The following HPSE2 variants were observed in gnomAD, a reference collection of about 807,000 sequenced individuals.
HPSE2 encodes the protein inactive heparanase-2.
Under a neutral mutation model 60.5 loss-of-function variants are expected in HPSE2, and 38 were observed. The ratio of observed to expected loss-of-function variants is 0.63; its 90% CI spans 0.48 to 0.82. HPSE2 has a LOEUF of 0.82. Among genes scored for constraint, HPSE2 ranks in the 40% least tolerant of loss-of-function variants. The pLI, the probability that HPSE2 is intolerant of heterozygous loss-of-function variation, is 0.00. For synonymous variants in HPSE2, 295 were observed against 293.2 expected, an observed-to-expected ratio of 1.01 and a Z score of -0.06; for missense variants, 713 against 740.4, an observed-to-expected ratio of 0.96 and a Z score of 0.43.
intron 9 of HPSE2, among the ~76,000 whole-genome samples, chr10:98,573,620 A>G (rs940510547): frequency 6.6e-6 from 1 of 152,336 alleles, no homozygotes; most frequent in East Asian, 1.9e-4. Context: ...GCAGGAACTC[A>G]GCACTGCTCA....
intron 3 of HPSE2, chr10:99,048,172 T>A: frequency 1.4e-6 from 1 of 703,794 alleles, no homozygotes; most frequent in East Asian, 2.7e-5. Flanking sequence ...TTGCTTGATC[T>A]CTCGGTAAAT....
intron 3 of HPSE2, among the ~76,000 whole-genome samples, chr10:98,938,383 G>C (rs1299931148): frequency 1.4e-5 from 2 of 144,182 alleles, no homozygotes; most frequent in Admixed American, 6.9e-5. Context: ...CCAATACAGA[G>C]AAGTGCTTAA....
chr10:99,251,862 CAAAAAAAAAA>C, the HPSE2 span, among the ~76,000 whole-genome samples: 383 of 57,292 alleles, frequency 6.7e-3, 2 homozygotes, highest in African/African-American at 0.023. Flanking sequence ...CTCTCTCTAC[CAAAAAAAAAA>C]AAAAAAAAAA....
intron 6 of HPSE2, among the ~76,000 whole-genome samples, chr10:98,644,334 A>AGGCC (rs1200104640): frequency 1.3e-5 from 2 of 152,354 alleles, no homozygotes; most frequent in Admixed American, 1.3e-4. Context: ...GGCAGCAGAA[A>AGGCC]CTTACACTGA....
At chr10:98,606,693 ATGAC>A (rs1448559488) in intron 9 of HPSE2, among the ~76,000 whole-genome samples, 1 of 152,232 alleles carries the variant, frequency 6.6e-6, no homozygotes, top group Non-Finnish European at 1.5e-5. Context: ...GAGGTATCTA[ATGAC>A]TGACAGATTT....
chr10:98,926,608 C>T (rs1954471303), intron 3 of HPSE2, among the ~76,000 whole-genome samples: 1 of 152,166 alleles, frequency 6.6e-6, no homozygotes, highest in Non-Finnish European at 1.5e-5. Context: ...TAATCACTCT[C>T]TCTCCAGCAT....
intron 10 of HPSE2, among the ~76,000 whole-genome samples, chr10:98,487,395 G>A (rs550881477): frequency 3.9e-4 from 60 of 152,278 alleles, no homozygotes; most frequent in Middle Eastern, 3.4e-3. Flanking sequence ...TCCACATAGG[G>A]GTTGCATGAC....
chr10:98,584,112 C>A (rs1180100837), intron 9 of HPSE2, among the ~76,000 whole-genome samples: 1 of 152,198 alleles, frequency 6.6e-6, no homozygotes, highest in Non-Finnish European at 1.5e-5. Context: ...CACCTCTTTA[C>A]AATCTTACCA....
chr10:98,572,075 G>C (rs1944512530), intron 9 of HPSE2, among the ~76,000 whole-genome samples: 1 of 151,744 alleles, frequency 6.6e-6, no homozygotes, highest in East Asian at 1.9e-4. Flanking sequence ...CAAGTAGCTG[G>C]GATTACAGGT....
intron 3 of HPSE2, among the ~76,000 whole-genome samples, chr10:99,041,276 T>C (rs963288602): frequency 5.9e-5 from 9 of 151,672 alleles, no homozygotes; most frequent in East Asian, 1.9e-4. Flanking sequence ...GGAGGCCACA[T>C]TGAGATTCAT....
At chr10:99,140,302 C>T (rs1845821060) in intron 3 of HPSE2, among the ~76,000 whole-genome samples, 1 of 152,064 alleles carries the variant, frequency 6.6e-6, no homozygotes, top group African/African-American at 2.4e-5. Flanking sequence ...GGTAGAAAAC[C>T]AAAAATGGCA....
At chr10:99,310,949 A>T in the HPSE2 span, among the ~76,000 whole-genome samples, 1 of 152,176 alleles carries the variant, frequency 6.6e-6, no homozygotes. Context: ...GAATAATGAG[A>T]TCTTCAGAAA....
At chr10:98,581,294 T>C (rs1944791342) in intron 9 of HPSE2, among the ~76,000 whole-genome samples, 1 of 152,128 alleles carries the variant, frequency 6.6e-6, no homozygotes, top group African/African-American at 2.4e-5. Context: ...GCTCAACATC[T>C]GGCTATAAGT....
intron 3 of HPSE2, among the ~76,000 whole-genome samples, chr10:99,004,540 C>A (rs1016318449): frequency 6.6e-6 from 1 of 151,856 alleles, no homozygotes; most frequent in African/African-American, 2.4e-5. Context: ...ACTTTCATTC[C>A]TCCTCCAATA....
chr10:99,145,635 CA>C (rs1846027014), intron 2 of HPSE2, among the ~76,000 whole-genome samples: 2 of 151,988 alleles, frequency 1.3e-5, no homozygotes, highest in African/African-American at 4.8e-5. Context: ...TTTTGCATAA[CA>C]AAACTGAAGA....
At chr10:98,798,730 C>T (rs1950837915) in intron 3 of HPSE2, among the ~76,000 whole-genome samples, 1 of 151,792 alleles carries the variant, frequency 6.6e-6, no homozygotes, top group East Asian at 1.9e-4. Context: ...AAACTTAGAA[C>T]AAATACACAA....
intron 3 of HPSE2, among the ~76,000 whole-genome samples, chr10:99,121,358 C>T (rs527625107): frequency 2.0e-5 from 3 of 152,108 alleles, no homozygotes; most frequent in Admixed American, 6.5e-5. Flanking sequence ...TTTAATACCT[C>T]GGTGATCAAA....
At chr10:99,233,772 A>C (rs1048063227) in intron 1 of HPSE2, among the ~76,000 whole-genome samples, 2 of 152,200 alleles carry the variant, frequency 1.3e-5, no homozygotes, top group Middle Eastern at 3.4e-3. Context: ...CCGGGACCGC[A>C]CTCCAGGACA....
chr10:98,759,448 C>A (rs1241249961), intron 3 of HPSE2, among the ~76,000 whole-genome samples: 1 of 152,022 alleles, frequency 6.6e-6, no homozygotes, highest in South Asian at 2.1e-4. Flanking sequence ...AGTTTTTCAT[C>A]CATTTTGAAT....
Sources: allele counts gnomAD v4.1 joint callset (sites outside exome capture counted in the v4.1 genomes callset), GRCh38; gene constraint gnomAD v4.1.1; transcripts MANE v1.5; gene names NCBI Gene and HGNC (gene_info 2026-07-23, HGNC 2026-07-21).